The following ZBTB46 variants were observed in gnomAD, a reference collection of about 807,000 sequenced individuals.
The protein encoded by ZBTB46 is zinc finger and BTB domain containing 46.
A neutral mutation model predicts 44.1 loss-of-function variants in ZBTB46; 8 were observed. The ratio of observed to expected loss-of-function variants is 0.18; its 90% confidence interval spans 0.11 to 0.33. The LOEUF (loss-of-function observed/expected upper bound fraction) is 0.33. Among genes scored for constraint, ZBTB46 ranks in the 10% least tolerant of loss-of-function variants. The probability of loss-of-function intolerance (pLI) is 1.00; values close to 1 mark genes in which losing one functional copy is unlikely to be tolerated. For missense variants in ZBTB46, 651 were observed against 847.7 expected, an observed-to-expected ratio of 0.77 and a Z score of 2.88; for synonymous variants, 409 against 382.3, an observed-to-expected ratio of 1.07 and a Z score of -0.81.
chr20:63,792,193 G>A (rs1205230858), intron 1 of ZBTB46, among the ~76,000 whole-genome samples: 1 of 152,088 alleles, frequency 6.6e-6, no homozygotes, highest in Non-Finnish European at 1.5e-5. Context: ...GGGTCCTAGG[G>A]GGCTAGAACT....
chr20:63,796,663 T>C (rs1454038763), intron 1 of ZBTB46, among the ~76,000 whole-genome samples: 2 of 151,720 alleles, frequency 1.3e-5, no homozygotes, highest in Non-Finnish European at 2.9e-5. Context: ...CCATCTCTAC[T>C]AAAATACAAA....
chr20:63,748,421 C>T (rs1007712828), intron 4 of ZBTB46, among the ~76,000 whole-genome samples: 1 of 152,216 alleles, frequency 6.6e-6, no homozygotes, highest in Non-Finnish European at 1.5e-5. Context: ...GACACCTGTG[C>T]TGTGCAGAAC....
At position 63,790,169 on chromosome 20, in the gene ZBTB46, C is replaced by G. The variant is rs369078414; in HGVS notation, c.589G>C (p.Gly197Arg). 6.2e-7 allele frequency: 1 copy of G among 1,613,750 alleles called. No individual in the cohort carries two copies. Among genetic ancestry groups the G allele is most frequent in the Non-Finnish European group, 8.5e-7 (1 of 1,180,028 alleles). The change falls in exon 2 of 5, where the codon GGG (glycine) becomes CGG (arginine). Residue 197 changes from glycine to arginine, a missense_variant. Coordinates refer to ENST00000245663, the MANE Select transcript of ZBTB46 (RefSeq NM_001369741.1). ...GCCTTGGGCTCCTGATCCTCTTTCC[C>G]GTAGCTGCTCCCTCCGTCGTGACAG... ...ASCHDGGSSYGKEDQEPKADG... is the reference protein window; with the variant it reads ...ASCHDGGSSYRKEDQEPKADG...
intron 2 of ZBTB46, among the ~76,000 whole-genome samples, chr20:63,779,406 ATTTTTTTTTTTTTTT>A (rs59166121): frequency 2.8e-5 from 3 of 105,578 alleles, no homozygotes; most frequent in African/African-American, 4.0e-5. Context: ...ACGCCGGCTA[ATTTTTTTTTTTTTTT>A]TTTTTTTTTT....
At position 63,803,084 on chromosome 20, in the gene ZBTB46, C is replaced by A. The variant is rs944490867; in HGVS notation, c.-33-12294G>T. The stretch of plus-strand genomic sequence containing the variant: ...TTCTGGGCAGCTCTGCCCACTCTTG[C>A]GAAGAAACCCACCAACCCGGCTCCC... On this transcript the variant is annotated intron_variant, in intron 1 of 4. Transcript: ENST00000245663. This position sits in a 1 kb window ranked among gnomAD's most constrained non-coding sequence, Gnocchi z 4.0. Among the ~76,000 whole-genome samples the A allele has an allele frequency of 3.3e-5, 5 of 152,122 alleles. No homozygotes were observed. The highest frequency in any genetic ancestry group is 6.5e-5 in the Admixed American group (1 of 15,278).
intron 1 of ZBTB46, among the ~76,000 whole-genome samples, chr20:63,796,582 T>C (rs1601490889): frequency 1.3e-5 from 2 of 152,328 alleles, no homozygotes; most frequent in African/African-American, 4.8e-5. Flanking sequence ...TCCCAGCACT[T>C]TGGGAGGCCG....
At chr20:63,771,744 G>A (rs936412946) in intron 3 of ZBTB46, among the ~76,000 whole-genome samples, 3 of 152,216 alleles carry the variant, frequency 2.0e-5, no homozygotes, top group African/African-American at 4.8e-5. Flanking sequence ...GAAGGCCTAC[G>A]GCAGTGAGGG....
At chr20:63,823,491 C>A (rs2092803462) in intron 1 of ZBTB46, among the ~76,000 whole-genome samples, 1 of 137,420 alleles carries the variant, frequency 7.3e-6, no homozygotes, top group African/African-American at 3.0e-5. Context: ...GAGTGAGACC[C>A]TGTCTCAAAA....
At chr20:63,757,099 C>T (rs1490745195) in intron 3 of ZBTB46, among the ~76,000 whole-genome samples, 3 of 152,138 alleles carry the variant, frequency 2.0e-5, no homozygotes, top group Non-Finnish European at 2.9e-5. Flanking sequence ...AATTTTTGTG[C>T]TTGGTCAGAA....
chr20:63,809,961 C>CAAAAA (rs61473496), intron 1 of ZBTB46, among the ~76,000 whole-genome samples: 1 of 135,980 alleles, frequency 7.4e-6, no homozygotes, highest in Non-Finnish European at 1.6e-5. Flanking sequence ...GGCCCTCTCT[C>CAAAAA]AAAAAAAAAA....
At chr20:63,759,379 T>A (rs2092253937) in intron 3 of ZBTB46, among the ~76,000 whole-genome samples, 1 of 152,156 alleles carries the variant, frequency 6.6e-6, no homozygotes, top group South Asian at 2.1e-4. Context: ...TTCCCTTCCA[T>A]TCATTTCTTT....
Position 63,746,800 on chromosome 20 carries a change from G to A in ZBTB46, c.*130C>T, listed in dbSNP as rs543778125. ...CGCAGGGCTGGTTTCCGTGGGGGGT[G>A]GGTTCAGGGGGAAGCAGAGGAGGGG... On this transcript the variant is annotated 3_prime_UTR_variant, in exon 5 of 5. Coordinates refer to ENST00000245663, the MANE Select transcript of ZBTB46 (RefSeq NM_001369741.1). The A allele has an allele frequency of 5.2e-6, 7 of 1,342,834 alleles. No homozygotes were observed. In the African/African-American group the frequency reaches 6.1e-5, roughly 12 times the overall value. The allele number at this position is 1,342,834 out of a possible 1,614,324, so 83.2% of individuals were successfully genotyped here. A position where few individuals can be genotyped will look rare whatever the true frequency, so the allele number is the denominator to read the frequency against.
chr20:63,760,471 G>GT (rs572643063), intron 3 of ZBTB46, among the ~76,000 whole-genome samples: 3,827 of 144,226 alleles, frequency 0.027, 68 homozygotes, highest in East Asian at 0.083. Flanking sequence ...CAGTGTTTTT[G>GT]TTTTTTTTTT....
intron 3 of ZBTB46, among the ~76,000 whole-genome samples, chr20:63,774,657 G>T (rs1464755526): frequency 2.0e-5 from 3 of 150,434 alleles, no homozygotes; most frequent in Non-Finnish European, 4.4e-5. Flanking sequence ...CGCGAGACCA[G>T]AAGGCAGCTG....
chr20:63,766,844 G>C (rs1213179711), intron 3 of ZBTB46, among the ~76,000 whole-genome samples: 2 of 152,224 alleles, frequency 1.3e-5, no homozygotes, highest in Non-Finnish European at 2.9e-5. Flanking sequence ...AAAGGGGATG[G>C]GCTGTTGGGC....
chr20:63,752,657 C>A lies in ZBTB46; in HGVS notation c.1398+29G>T. On this transcript the variant is annotated intron_variant, in intron 4 of 4. Transcript: ENST00000245663. This position sits in a 1 kb window ranked among gnomAD's most constrained non-coding sequence, Gnocchi z 5.6. Reference sequence around the variant, plus strand: ...CCGGACATCGTGGCCACGCGCAGCGCGCGGCACGCGGACCCTCCCCGCACT... The same window carrying A: ...CCGGACATCGTGGCCACGCGCAGCGAGCGGCACGCGGACCCTCCCCGCACT... 1.3e-6 allele frequency: 2 copies of A among 1,500,880 alleles called. No individual in the cohort carries two copies. Among genetic ancestry groups the A allele is most frequent in the Non-Finnish European group, 1.8e-6 (2 of 1,124,232 alleles). The allele number at this position is 1,500,880 out of a possible 1,614,324, so 93.0% of individuals were successfully genotyped here. A position where few individuals can be genotyped will look rare whatever the true frequency, so the allele number is the denominator to read the frequency against.
At chr20:63,820,425 A>G (rs1010757987) in intron 1 of ZBTB46, among the ~76,000 whole-genome samples, 3 of 149,088 alleles carry the variant, frequency 2.0e-5, no homozygotes, top group Admixed American at 6.8e-5. Flanking sequence ...CTTTTTAAGA[A>G]GTATATTATA....
chr20:63,778,427 G>A (rs917363138), intron 2 of ZBTB46, among the ~76,000 whole-genome samples: 16 of 152,208 alleles, frequency 1.1e-4, no homozygotes, highest in African/African-American at 3.9e-4. Context: ...CGTGGTCGTT[G>A]ACAGGAATCG....
chr20:63,756,830 G>A (rs2092224755), intron 3 of ZBTB46, among the ~76,000 whole-genome samples: 1 of 152,230 alleles, frequency 6.6e-6, no homozygotes, highest in Non-Finnish European at 1.5e-5. Flanking sequence ...GCTGCCTGGA[G>A]GAGGATGTGG....
Sources: allele counts gnomAD v4.1 joint callset (sites outside exome capture counted in the v4.1 genomes callset), GRCh38; gene constraint gnomAD v4.1.1; non-coding constraint Gnocchi (gnomAD v3.1); transcripts MANE v1.5; gene names NCBI Gene and HGNC (gene_info 2026-07-23, HGNC 2026-07-21).